Variants in ST6GALNAC3 observed in about 807,000 individuals in gnomAD.
ST6GALNAC3 encodes alpha-N-acetylgalactosaminide alpha-2,6-sialyltransferase 3.
ST6GALNAC3 carries 25 observed loss-of-function variants against 32.7 expected under a neutral mutation model. The observed-to-expected ratio is 0.76, with a 90% confidence interval of 0.56 to 1.07. The LOEUF is 1.07. Ranked by LOEUF, ST6GALNAC3 falls within the 50% of genes least tolerant of loss-of-function variation. The pLI is 0.00. For missense variants in ST6GALNAC3, 355 were observed against 382.4 expected (o/e 0.93, Z 0.60); for synonymous variants, 129 against 133.1 (o/e 0.97, Z 0.21).
At position 76,348,060 on chromosome 1, in the gene ST6GALNAC3, G is replaced by A. The variant is rs114304247; in HGVS notation, c.213+34061G>A. Among the ~76,000 whole-genome samples, 1,355 of 152,202 alleles carry A rather than the reference G, an allele frequency of 8.9e-3. 18 individuals carry two copies. The highest frequency in any genetic ancestry group is 0.031 in the African/African-American group (1,282 of 41,522). On this transcript the variant is annotated intron_variant, in intron 2 of 4. Transcript: ENST00000328299. ...TTGCATAATACGACAACTGTTTTTCGTAGAAGCCTACCAACTAGAAGTTCT... is the reference window on the plus strand; with the variant it reads ...TTGCATAATACGACAACTGTTTTTCATAGAAGCCTACCAACTAGAAGTTCT...
chr1:76,615,914 AG>A (rs1648260847), intron 3 of ST6GALNAC3, among the ~76,000 whole-genome samples: 2 of 152,046 alleles, frequency 1.3e-5, no homozygotes, highest in African/African-American at 2.4e-5. Flanking sequence ...CCTCTGAGAG[AG>A]ATGGCCCTTA....
intron 3 of ST6GALNAC3, among the ~76,000 whole-genome samples, chr1:76,477,082 C>T (rs1240757226): frequency 1.3e-5 from 2 of 152,148 alleles, no homozygotes; most frequent in South Asian, 2.1e-4. Context: ...TCCCCCTTTA[C>T]TCTGTTTTCC....
intron 3 of ST6GALNAC3, among the ~76,000 whole-genome samples, chr1:76,593,817 T>C (rs1647086585): frequency 6.6e-6 from 1 of 152,172 alleles, no homozygotes; most frequent in Admixed American, 6.5e-5. Context: ...AACACAGGCC[T>C]GTAAACAAAT....
At chr1:76,180,514 C>G (rs1653111355) in intron 1 of ST6GALNAC3, among the ~76,000 whole-genome samples, 1 of 152,102 alleles carries the variant, frequency 6.6e-6, no homozygotes, top group South Asian at 2.1e-4. Flanking sequence ...AACAGACATT[C>G]CTGTTTTCAT....
intron 3 of ST6GALNAC3, among the ~76,000 whole-genome samples, chr1:76,449,848 A>G (rs1246141078): frequency 6.6e-6 from 1 of 152,110 alleles, no homozygotes; most frequent in Non-Finnish European, 1.5e-5. Context: ...TTTTGGGGGA[A>G]CAGGTGGTAT....
intron 1 of ST6GALNAC3, among the ~76,000 whole-genome samples, chr1:76,114,824 C>T (rs953791745): frequency 2.7e-5 from 4 of 148,438 alleles, no homozygotes; most frequent in Non-Finnish European, 5.9e-5. Context: ...GAGGCTGAGG[C>T]GGGAGAATCG....
chr1:76,220,203 AT>A (rs531295739), intron 1 of ST6GALNAC3, among the ~76,000 whole-genome samples: 80 of 152,184 alleles, frequency 5.3e-4, no homozygotes, highest in Middle Eastern at 3.4e-3. Flanking sequence ...ACTTTCTTGA[AT>A]TTTTTTCCCT....
chr1:76,330,669 C>G (rs1278967359), intron 2 of ST6GALNAC3, among the ~76,000 whole-genome samples: 1 of 152,158 alleles, frequency 6.6e-6, no homozygotes, highest in Non-Finnish European at 1.5e-5. Context: ...TCAAAGCAAC[C>G]CTATGTAATA....
At chr1:76,321,021 T>A (rs1312840907) in intron 2 of ST6GALNAC3, among the ~76,000 whole-genome samples, 1 of 151,788 alleles carries the variant, frequency 6.6e-6, no homozygotes, top group Non-Finnish European at 1.5e-5. Flanking sequence ...AGGTGTATAG[T>A]GTGCCTTTTG....
At chr1:76,147,612 A>AT (rs934224327) in intron 1 of ST6GALNAC3, among the ~76,000 whole-genome samples, 17 of 152,154 alleles carry the variant, frequency 1.1e-4, no homozygotes, top group Middle Eastern at 3.4e-3. Flanking sequence ...TTTGTCGTCT[A>AT]TTTTACCTCA....
intron 1 of ST6GALNAC3, among the ~76,000 whole-genome samples, chr1:76,081,003 A>G (rs1406377322): frequency 1.3e-5 from 2 of 152,196 alleles, no homozygotes; most frequent in Admixed American, 6.5e-5. Context: ...ATGGATTGAT[A>G]ACAACAGCAA....
chr1:76,381,136 A>G (rs1651671616), intron 2 of ST6GALNAC3, among the ~76,000 whole-genome samples: 2 of 149,844 alleles, frequency 1.3e-5, no homozygotes, highest in South Asian at 4.3e-4. Flanking sequence ...GGGGATCTGC[A>G]CAAGATATTG....
chr1:76,550,159 A>C (rs1664537869), intron 3 of ST6GALNAC3, among the ~76,000 whole-genome samples: 1 of 152,216 alleles, frequency 6.6e-6, no homozygotes, highest in South Asian at 2.1e-4. Flanking sequence ...TATTAATAGC[A>C]GTATTCAATT....
At chr1:76,151,608 C>T (rs1346004650) in intron 1 of ST6GALNAC3, among the ~76,000 whole-genome samples, 1 of 152,150 alleles carries the variant, frequency 6.6e-6, no homozygotes, top group Non-Finnish European at 1.5e-5. Context: ...CAGCTCAGTT[C>T]CACTGGGAAC....
chr1:76,365,568 G>A (rs1362457167), intron 2 of ST6GALNAC3, among the ~76,000 whole-genome samples: 2 of 152,168 alleles, frequency 1.3e-5, no homozygotes, highest in Admixed American at 6.6e-5. Flanking sequence ...AGAATTTTCT[G>A]TGTTGTTTTA....
rs758722243 is a variant in ST6GALNAC3 at position 76,412,060 on chromosome 1, T to A, written c.266T>A (p.Met89Lys). 12 of 1,613,618 alleles carry A rather than the reference T, an allele frequency of 7.4e-6. No individual in the cohort carries two copies. The highest frequency in any genetic ancestry group is 1.0e-5 in the Non-Finnish European group (12 of 1,179,734). ...GCCATAGTGTCAAACTCAGGTCAGA[T>A]GGTTGGCCAGAAGGTGGGAAATGAG... ...LCAIVSNSGQ[M>K]VGQKVGNEID... is the part of the protein sequence containing the mutation. The change falls in exon 3 of 5, where the codon ATG becomes AAG. Residue 89 changes from methionine to lysine, a missense_variant. Transcript: ENST00000328299.
At chr1:76,381,804 C>T (rs898434810) in intron 2 of ST6GALNAC3, among the ~76,000 whole-genome samples, 2 of 151,984 alleles carry the variant, frequency 1.3e-5, no homozygotes, top group African/African-American at 2.4e-5. Context: ...ATATGAGGGA[C>T]CAAGATTCTG....
At chr1:76,421,977 C>A (rs1488607791) in intron 3 of ST6GALNAC3, among the ~76,000 whole-genome samples, 1 of 151,892 alleles carries the variant, frequency 6.6e-6, no homozygotes, top group African/African-American at 2.4e-5. Context: ...ACCCAGCATT[C>A]CCAATTTTCC....
intron 2 of ST6GALNAC3, among the ~76,000 whole-genome samples, chr1:76,330,611 C>T (rs922827962): frequency 3.3e-5 from 5 of 152,210 alleles, no homozygotes; most frequent in Admixed American, 6.5e-5. Context: ...GGTTTATATG[C>T]AGCAGCAGTA....
Sources: gnomAD v4.1 joint callset for allele counts (sites outside exome capture counted in the v4.1 genomes callset) on GRCh38, gnomAD v4.1.1 for gene constraint, MANE v1.5 for transcripts, NCBI Gene and HGNC (gene_info 2026-07-23, HGNC 2026-07-21) for gene names.